Variants in HCRTR2 observed in about 807,000 individuals in gnomAD.
The protein encoded by HCRTR2 is orexin receptor type 2.
A neutral mutation model predicts 49.0 loss-of-function variants in HCRTR2; 22 were observed. That is an observed-to-expected ratio of 0.45 (90% CI 0.32 to 0.64). The LOEUF (loss-of-function observed/expected upper bound fraction) is 0.64, where lower values mean the gene tolerates loss of function less well. HCRTR2 is among the 30% of genes least tolerant of loss of function. The probability of loss-of-function intolerance (pLI) is 0.04; values close to 1 mark genes in which losing one functional copy is unlikely to be tolerated. For missense variants in HCRTR2, 491 were observed against 559.4 expected (o/e 0.88, Z 1.23); for synonymous variants, 236 against 205.3 (o/e 1.15, Z -1.28).
chr6:55,262,404 G>A (rs1353991036), intron 3 of HCRTR2, among the ~76,000 whole-genome samples: 13 of 130,480 alleles, frequency 1.0e-4, no homozygotes, highest in African/African-American at 1.8e-4. Context: ...AATATATAAT[G>A]TATTATATGT....
chr6:55,157,696 T>C (rs922431890), intron 1 of HCRTR2, among the ~76,000 whole-genome samples: 8 of 152,236 alleles, frequency 5.3e-5, no homozygotes, highest in African/African-American at 1.9e-4. Flanking sequence ...AGAGTGACTC[T>C]GTTTGGGAGA....
intron 1 of HCRTR2, among the ~76,000 whole-genome samples, chr6:55,221,081 T>G (rs1343993979): frequency 1.3e-5 from 2 of 152,140 alleles, no homozygotes; most frequent in Admixed American, 1.3e-4. Flanking sequence ...GATAATTCTG[T>G]TTTCATGGGT....
At chr6:55,233,193 A>G (rs1472573112) in intron 1 of HCRTR2, among the ~76,000 whole-genome samples, 1 of 151,464 alleles carries the variant, frequency 6.6e-6, no homozygotes. Flanking sequence ...GATTCTAGTG[A>G]TTCTCCTGCC....
chr6:55,236,337 A>C (rs937336398), intron 1 of HCRTR2, among the ~76,000 whole-genome samples: 1 of 151,894 alleles, frequency 6.6e-6, no homozygotes, highest in African/African-American at 2.4e-5. Context: ...TATACATTAT[A>C]TTTTATATAT....
chr6:55,118,456 G>A (rs187956228), intron 1 of HCRTR2, among the ~76,000 whole-genome samples: 84 of 151,930 alleles, frequency 5.5e-4, no homozygotes, highest in African/African-American at 2.0e-3. Flanking sequence ...TCTGTCTTTA[G>A]GTCTTTAAAG....
At chr6:55,154,156 T>C (rs1467034022) in intron 1 of HCRTR2, among the ~76,000 whole-genome samples, 1 of 150,748 alleles carries the variant, frequency 6.6e-6, no homozygotes, top group Non-Finnish European at 1.5e-5. Context: ...AGAAGAAGAG[T>C]CTAGGACCAG....
intron 4 of HCRTR2, among the ~76,000 whole-genome samples, chr6:55,276,649 AT>A (rs1281351669): frequency 6.6e-6 from 1 of 152,204 alleles, no homozygotes; most frequent in Non-Finnish European, 1.5e-5. Flanking sequence ...CTATTATCAA[AT>A]AACTTTGAAA....
At chr6:55,150,696 A>G (rs1414321530) in intron 1 of HCRTR2, among the ~76,000 whole-genome samples, 1 of 151,972 alleles carries the variant, frequency 6.6e-6, no homozygotes, top group Admixed American at 6.6e-5. Context: ...ATAACATTCC[A>G]TTTTATGTAT....
intron 1 of HCRTR2, among the ~76,000 whole-genome samples, chr6:55,168,321 A>G (rs1764905202): frequency 6.6e-6 from 1 of 152,162 alleles, no homozygotes; most frequent in South Asian, 2.1e-4. Flanking sequence ...AATATGTAAA[A>G]TTTATATAAT....
rs746615259 is a variant in HCRTR2, at chr6:55,277,550, G to C, written c.933G>C (p.Leu311Phe). 6.2e-7 allele frequency: 1 copy of C among 1,613,970 alleles called. No homozygotes were observed. Among genetic ancestry groups the C allele is most frequent in the Admixed American group, 1.7e-5 (1 of 59,984 alleles). Residue 311 changes from leucine to phenylalanine, a missense_variant, in exon 5 of 7, where the codon TTG becomes TTC. By Grantham distance (22) the Leu-to-Phe change is conservative (BLOSUM62 0). Transcript: ENST00000370862. Reference protein sequence around the residue: ...KTARMLMIVLLVFAICYLPIS... With the variant: ...KTARMLMIVLFVFAICYLPIS... ...CCCGGATGTTGATGATTGTGCTTTT[G>C]GTATTTGCAATTTGCTATCTACCAA...
At chr6:55,231,798 A>G (rs1766119668) in intron 1 of HCRTR2, among the ~76,000 whole-genome samples, 1 of 152,296 alleles carries the variant, frequency 6.6e-6, no homozygotes, top group Non-Finnish European at 1.5e-5. Context: ...TGCTGTATCA[A>G]TCTAGCTGTT....
chr6:55,230,178 A>T (rs940272727), intron 1 of HCRTR2, among the ~76,000 whole-genome samples: 1 of 152,234 alleles, frequency 6.6e-6, no homozygotes, highest in African/African-American at 2.4e-5. Context: ...AGAACTTTAA[A>T]TAACTTTCCT....
At chr6:55,162,749 T>C (rs1022440660) in intron 1 of HCRTR2, among the ~76,000 whole-genome samples, 6 of 151,896 alleles carry the variant, frequency 4.0e-5, no homozygotes, top group Admixed American at 3.3e-4. Flanking sequence ...TACCTAGGAA[T>C]ACAACTTACA....
In HCRTR2 at chr6:55,197,746, C is replaced by A. The variant is rs184051838; in HGVS notation, c.223+22936C>A. Among the ~76,000 whole-genome samples the A allele has an allele frequency of 3.3e-5, 5 of 152,132 alleles. No individual in the cohort carries two copies. In the East Asian group the frequency reaches 9.7e-4, roughly 30 times the overall value. On this transcript the variant is annotated intron_variant, in intron 1 of 6. Transcript: ENST00000370862. ...ATGCCATTCTCCTGCCTCAGCCTCCCGAGTAGCTGGGACTACAGGTGCCCG... is the reference window on the plus strand; with the variant it reads ...ATGCCATTCTCCTGCCTCAGCCTCCAGAGTAGCTGGGACTACAGGTGCCCG...
intron 1 of HCRTR2, among the ~76,000 whole-genome samples, chr6:55,180,565 C>T (rs1765113931): frequency 7.2e-6 from 1 of 138,906 alleles, no homozygotes; most frequent in Admixed American, 7.8e-5. Flanking sequence ...ATGCTTTTAC[C>T]TGTTCAGGGG....
At chr6:55,146,068 T>TA (rs776542119) in intron 1 of HCRTR2, among the ~76,000 whole-genome samples, 33 of 152,126 alleles carry the variant, frequency 2.2e-4, no homozygotes, top group South Asian at 4.1e-4. Context: ...AATTCCAAGT[T>TA]AAAAAATATA....
At chr6:55,139,949 G>A (rs1360328674) in intron 1 of HCRTR2, among the ~76,000 whole-genome samples, 4 of 152,066 alleles carry the variant, frequency 2.6e-5, no homozygotes, top group African/African-American at 9.7e-5. Context: ...TAGCTGTTGG[G>A]GTAGCTTTTA....
intron 1 of HCRTR2, among the ~76,000 whole-genome samples, chr6:55,144,035 C>T (rs960433596): frequency 6.0e-5 from 9 of 150,426 alleles, no homozygotes; most frequent in Non-Finnish European, 8.8e-5. Flanking sequence ...AGCTTGATAG[C>T]GATGCATTTC....
chr6:55,237,814 T>G (rs1262393961), intron 1 of HCRTR2, among the ~76,000 whole-genome samples: 1 of 152,230 alleles, frequency 6.6e-6, no homozygotes, highest in Non-Finnish European at 1.5e-5. Context: ...AAAACAAATG[T>G]ATACTTTCGT....
Sources: gnomAD v4.1 joint callset for allele counts (sites outside exome capture counted in the v4.1 genomes callset) on GRCh38, gnomAD v4.1.1 for gene constraint, MANE v1.5 for transcripts, NCBI Gene and HGNC (gene_info 2026-07-23, HGNC 2026-07-21) for gene names.